Variants in TATDN2 observed in about 807,000 individuals in gnomAD.
TATDN2 encodes the protein 3'-5' RNA nuclease TATDN2.
A neutral mutation model predicts 60.3 loss-of-function variants in TATDN2; 44 were observed. The observed-to-expected ratio is 0.73, with a 90% confidence interval of 0.57 to 0.94. The LOEUF (loss-of-function observed/expected upper bound fraction) is 0.94. Among genes scored for constraint, TATDN2 ranks in the 40% least tolerant of loss-of-function variants. The pLI is 0.00. For synonymous variants in TATDN2, 399 were observed against 355.8 expected (o/e 1.12, Z -1.37); for missense variants, 997 against 948.0 (o/e 1.05, Z -0.68).
rs1297642225 is a variant in TATDN2, at chr3:10,270,693, T to C, written c.1511T>C (p.Met504Thr). The change falls in exon 4 of 8, where the codon ATG becomes ACG. Residue 504 changes from methionine to threonine, a missense_variant. Physicochemically the swap from Met to Thr is moderately conservative, Grantham distance 81. Transcript: ENST00000448281. ...ATTGACACTCATTGTCACCTGGACA[T>C]GCTCTATTCCAAGCTATCTTTCCAA... ...GFIDTHCHLDMLYSKLSFQGT... is the reference protein window; with the variant it reads ...GFIDTHCHLDTLYSKLSFQGT... 1 of 1,614,226 alleles carries C rather than the reference T, an allele frequency of 6.2e-7. No homozygotes were observed. Among genetic ancestry groups the C allele is most frequent in the East Asian group, 2.2e-5 (1 of 44,890 alleles).
Position 10,248,608 on chromosome 3 carries a change from C to G in TATDN2, c.-466C>G, listed in dbSNP as rs1166198950. On this transcript the variant is annotated 5_prime_UTR_variant, in exon 1 of 8. Coordinates refer to ENST00000448281, the MANE Select transcript of TATDN2 (RefSeq NM_014760.4). ...CTGCCCGGCGGGACAGCTGCGGCAG[C>G]CGGCGGGGGGCGTCCTGAGTTGGCG... is the stretch of plus-strand genomic sequence containing the variant. The G allele has an allele frequency of 6.6e-6, 1 of 151,864 alleles. No homozygotes were observed. Among genetic ancestry groups the G allele is most frequent in the Non-Finnish European group, 1.5e-5 (1 of 68,038 alleles). 9.4% of individuals were successfully genotyped at this position (151,864 alleles called of 1,614,324 possible).
chr3:10,271,672 C>T (rs1698567880), intron 4 of TATDN2, among the ~76,000 whole-genome samples: 2 of 152,030 alleles, frequency 1.3e-5, no homozygotes, highest in South Asian at 4.1e-4. Flanking sequence ...CATAATTTCC[C>T]ATTCAACCAG....
chr3:10,266,485 T>C (rs553257474), intron 3 of TATDN2, among the ~76,000 whole-genome samples: 1 of 152,376 alleles, frequency 6.6e-6, no homozygotes, highest in East Asian at 1.9e-4. Flanking sequence ...ATCCTGGCCC[T>C]GCCACTCGAA....
chr3:10,265,817 T>C (rs1460310128), intron 3 of TATDN2, among the ~76,000 whole-genome samples: 1 of 148,094 alleles, frequency 6.8e-6, no homozygotes, highest in African/African-American at 2.4e-5. Flanking sequence ...TGTCCTTTGC[T>C]GGGTGGGGAA....
At chr3:10,265,573 T>C (rs1698465208) in intron 3 of TATDN2, among the ~76,000 whole-genome samples, 1 of 143,282 alleles carries the variant, frequency 7.0e-6, no homozygotes, top group African/African-American at 2.6e-5. Flanking sequence ...TCCCAGGTGC[T>C]GGGGAGGCTG....
chr3:10,278,692 T>C lies in TATDN2; in HGVS notation c.2146-193T>C. 1 of 988,102 alleles carries C rather than the reference T, an allele frequency of 1.0e-6. No homozygotes were observed. The highest frequency in any genetic ancestry group is 1.6e-6 in the Non-Finnish European group (1 of 645,024). The allele number at this position is 988,102 out of a possible 1,614,324, so 61.2% of individuals were successfully genotyped here. A position where few individuals can be genotyped will look rare whatever the true frequency, so the allele number is the denominator to read the frequency against. The stretch of plus-strand genomic sequence containing the variant: ...GTGCAAAGCCCTACCCTGTAGAGGG[T>C]AGTCCAAGGAAGCGTGGGACCCTGC... On this transcript the variant is annotated intron_variant, in intron 6 of 7. Transcript: ENST00000448281. This position sits in a 1 kb window ranked among gnomAD's most constrained non-coding sequence, Gnocchi z 4.7.
chr3:10,255,951 A>G (rs928366083), intron 2 of TATDN2, among the ~76,000 whole-genome samples: 1 of 152,182 alleles, frequency 6.6e-6, no homozygotes, highest in African/African-American at 2.4e-5. Flanking sequence ...AGAAAATAGA[A>G]TTTATGACTC....
intron 2 of TATDN2, among the ~76,000 whole-genome samples, chr3:10,256,764 G>A (rs1161551569): frequency 6.6e-6 from 1 of 151,918 alleles, no homozygotes; most frequent in Non-Finnish European, 1.5e-5. Flanking sequence ...AGAGGGCAGG[G>A]GTGGAGAAGC....
At chr3:10,265,838 A>G (rs368689443) in intron 3 of TATDN2, among the ~76,000 whole-genome samples, 1 of 151,710 alleles carries the variant, frequency 6.6e-6, no homozygotes, top group Non-Finnish European at 1.5e-5. Context: ...AGGGCAGGCC[A>G]TCTGCACAGG....
At chr3:10,267,199 G>A (rs1451837882) in intron 3 of TATDN2, among the ~76,000 whole-genome samples, 2 of 151,804 alleles carry the variant, frequency 1.3e-5, no homozygotes, top group Admixed American at 1.3e-4. Flanking sequence ...GGGATTACAG[G>A]CGTGAGCCCC....
chr3:10,255,021 C>CCCCCT (rs1380467634), intron 2 of TATDN2, among the ~76,000 whole-genome samples: 1 of 126,644 alleles, frequency 7.9e-6, no homozygotes, highest in Non-Finnish European at 1.6e-5. Flanking sequence ...CACTCCCCCT[C>CCCCCT]CCCCTCCCCC....
intron 2 of TATDN2, among the ~76,000 whole-genome samples, chr3:10,256,241 T>A (rs1698306405): frequency 6.6e-6 from 1 of 152,074 alleles, no homozygotes; most frequent in Non-Finnish European, 1.5e-5. Flanking sequence ...TGGCACAAGC[T>A]CGGCTTACTG....
chr3:10,267,804 C>A (rs903127065), intron 3 of TATDN2, among the ~76,000 whole-genome samples: 3 of 152,166 alleles, frequency 2.0e-5, no homozygotes, highest in East Asian at 3.9e-4. Flanking sequence ...TGATGTGTTA[C>A]TGTATATGAT....
rs1219626471 is a variant in TATDN2, at chr3:10,260,580, G to T, written c.858G>T (p.Glu286Asp). ...ACCCTCAAGAGAAACCCAGTGAGGA[G>T]CCCCTTGGGGACCGAAGGACTGTCA... ...VIDPQEKPSEEPLGDRRTVID... is the reference protein window; with the variant it reads ...VIDPQEKPSEDPLGDRRTVID... Residue 286 changes from glutamate (E) to aspartate (D), a missense_variant, in exon 3 of 8, where the codon GAG becomes GAT. Coordinates refer to ENST00000448281, the MANE Select transcript of TATDN2 (RefSeq NM_014760.4). The T allele has an allele frequency of 1.2e-6, 2 of 1,614,158 alleles. No individual in the cohort carries two copies. The highest frequency in any genetic ancestry group is 1.7e-6 in the Non-Finnish European group (2 of 1,180,022).
At position 10,259,879 on chromosome 3, in the gene TATDN2, G is replaced by C. The variant is rs113334367; in HGVS notation, c.415-258G>C. Among the ~76,000 whole-genome samples, 141 of 152,298 alleles carry C rather than the reference G, an allele frequency of 9.3e-4. 2 individuals are homozygous for C. Among genetic ancestry groups the C allele is most frequent in the African/African-American group, 3.1e-3 (128 of 41,560 alleles). On this transcript the variant is annotated intron_variant, in intron 2 of 7. Coordinates refer to ENST00000448281, the MANE Select transcript of TATDN2 (RefSeq NM_014760.4). Reference sequence around the variant, plus strand: ...AGGAGCTTGCAGTCTGGTTTAATGAGAGTGTTCATTTCAGCTCCTTCCGTC... The same window carrying C: ...AGGAGCTTGCAGTCTGGTTTAATGACAGTGTTCATTTCAGCTCCTTCCGTC...
chr3:10,250,295 A>C (rs1698201946), intron 2 of TATDN2, among the ~76,000 whole-genome samples: 1 of 151,802 alleles, frequency 6.6e-6, no homozygotes, highest in African/African-American at 2.4e-5. Context: ...CATTTCGCTC[A>C]TCTACTCAAT....
chr3:10,260,699 C>T, intron 3 of TATDN2, 29 bp downstream of exon 3: 1 of 1,587,466 alleles, frequency 6.3e-7, no homozygotes, highest in South Asian at 1.2e-5. Flanking sequence ...AGGCATCTGA[C>T]TTTTTAGTTC....
chr3:10,276,316 G>C (rs1022574526), intron 4 of TATDN2, 45 bp from the exon 5 acceptor site: 20 of 1,607,442 alleles, frequency 1.2e-5, no homozygotes, highest in Non-Finnish European at 1.7e-5. Context: ...ATGGACTTCT[G>C]AAGTGCTGCT....
chr3:10,268,531 C>T (rs1340172774), intron 3 of TATDN2, among the ~76,000 whole-genome samples: 1 of 152,138 alleles, frequency 6.6e-6, no homozygotes, highest in African/African-American at 2.4e-5. Context: ...AATTTTGTTT[C>T]CAGCATGAAT....
Sources: gnomAD v4.1 joint callset for allele counts (sites outside exome capture counted in the v4.1 genomes callset) on GRCh38, gnomAD v4.1.1 for gene constraint, Gnocchi (gnomAD v3.1) non-coding constraint, MANE v1.5 for transcripts, NCBI Gene and HGNC (gene_info 2026-07-23, HGNC 2026-07-21) for gene names.